FBN1: variants seen among roughly 807,000 people sequenced by gnomAD.
The protein encoded by FBN1 is fibrillin-1.
Under a neutral mutation model 365.1 loss-of-function variants are expected in FBN1, and 29 were observed. The observed-to-expected ratio is 0.08, with a 90% confidence interval of 0.06 to 0.11. FBN1 has a LOEUF of 0.11. Ranked by LOEUF, FBN1 falls within the 10% of genes least tolerant of loss-of-function variation. The pLI is 1.00. For missense variants in FBN1, 2,476 were observed against 3,703.2 expected (o/e 0.67, Z 8.60); for synonymous variants, 1,210 against 1,270.5 (o/e 0.95, Z 1.01).
chr15:48,629,908 G>A (rs1294684817), intron 2 of FBN1, among the ~76,000 whole-genome samples: 1 of 152,066 alleles, frequency 6.6e-6, no homozygotes, highest in African/African-American at 2.4e-5. Flanking sequence ...TATCTGTTAC[G>A]CAGCTCAACA....
intron 20 of FBN1, 27 bp from the exon 21 acceptor site, chr15:48,495,615 T>C: frequency 6.2e-7 from 1 of 1,613,972 alleles, no homozygotes; most frequent in Non-Finnish European, 8.5e-7. Flanking sequence ...TCTACATTAC[T>C]GCTAAAATCT....
At chr15:48,530,408 G>A (rs1456522516) in intron 8 of FBN1, among the ~76,000 whole-genome samples, 1 of 152,154 alleles carries the variant, frequency 6.6e-6, no homozygotes, top group African/African-American at 2.4e-5. Flanking sequence ...ATAGCATCTT[G>A]TTCAACCCCC....
At chr15:48,539,406 C>T (rs1275266628) in intron 6 of FBN1, among the ~76,000 whole-genome samples, 1 of 152,086 alleles carries the variant, frequency 6.6e-6, no homozygotes, top group Non-Finnish European at 1.5e-5. Context: ...GTCCAAATGC[C>T]GAGTCCCCAG....
chr15:48,515,610 T>A (rs975464550), intron 11 of FBN1, 83 bp from the exon 12 acceptor site: 9 of 1,559,138 alleles, frequency 5.8e-6, no homozygotes, highest in African/African-American at 1.4e-5. Flanking sequence ...ATGAACAAGA[T>A]GTTGAATCAG....
chr15:48,439,386 C>T (rs926322697), intron 50 of FBN1, among the ~76,000 whole-genome samples: 1 of 152,194 alleles, frequency 6.6e-6, no homozygotes, highest in African/African-American at 2.4e-5. Flanking sequence ...GTCAATCCTG[C>T]GGCATCTCTG....
chr15:48,463,805 G>A, intron 41 of FBN1, 94 bp downstream of exon 41: 2 of 1,339,044 alleles, frequency 1.5e-6, no homozygotes, highest in Non-Finnish European at 2.1e-6. Flanking sequence ...TCAGTCTGAT[G>A]AGTAACATCA....
At chr15:48,508,756 A>C (rs1379704077) in intron 14 of FBN1, 52 bp from the exon 15 acceptor site, 1 of 1,603,222 alleles carries the variant, frequency 6.2e-7, no homozygotes, top group South Asian at 1.1e-5. Context: ...AAGCTTACGA[A>C]GGAAACCAAT....
rs61243818 is a variant in FBN1, at chr15:48,493,456, G to A, written c.2728+748C>T. On this transcript the variant is annotated intron_variant, in intron 23 of 65. Coordinates refer to ENST00000316623, the MANE Select transcript of FBN1 (RefSeq NM_000138.5). The stretch of plus-strand genomic sequence containing the variant: ...TAAGAGAGATCAATGGGGAGAGGGT[G>A]GAATCTACCTTTTTGGGTTTTTTGT... Among the ~76,000 whole-genome samples, 2,344 of 152,248 alleles carry A rather than the reference G, an allele frequency of 0.015. 209 individuals carry two copies. In the East Asian group the frequency reaches 0.24, roughly 16 times the overall value.
At chr15:48,562,760 G>T (rs1179456087) in intron 6 of FBN1, among the ~76,000 whole-genome samples, 1 of 152,126 alleles carries the variant, frequency 6.6e-6, no homozygotes, top group Non-Finnish European at 1.5e-5. Context: ...TACAGCTGGG[G>T]TCTTCCAGTC....
intron 64 of FBN1, among the ~76,000 whole-genome samples, chr15:48,414,385 T>A (rs2042886083): frequency 6.6e-6 from 1 of 152,146 alleles, no homozygotes; most frequent in African/African-American, 2.4e-5. Context: ...TAAGTGTGGA[T>A]GTGTGTGGGG....
intron 30 of FBN1, 143 bp downstream of exon 30, chr15:48,485,231 A>G: frequency 2.0e-6 from 2 of 1,012,556 alleles, no homozygotes; most frequent in Non-Finnish European, 3.0e-6. Flanking sequence ...TTCTAATAAT[A>G]GGTATCTTGA....
In FBN1 at chr15:48,516,282, G is replaced by A. The variant is rs750279344; in HGVS notation, c.1228C>T (p.Pro410Ser). Residue 410 changes from proline to serine, a missense_variant, in exon 11 of 66, where the codon CCT becomes TCT. Around this residue, in one of 5 missense-constraint regions of FBN1, gnomAD observed 421 missense variants for 520.1 expected, o/e 0.81. Coordinates refer to ENST00000316623, the MANE Select transcript of FBN1 (RefSeq NM_000138.5). ...CCAGGAGGAACAGGGAGAACTGGAG[G>A]AATGGGGCCAAGGGGTGGGGGAGGA... ...EYPPPPLGPI[P>S]PVLPVPPGFP... 3.8e-6 allele frequency: 6 copies of A among 1,598,858 alleles called. No homozygotes were observed. In the African/African-American group the frequency reaches 5.4e-5, roughly 14 times the overall value.
intron 44 of FBN1, among the ~76,000 whole-genome samples, chr15:48,455,173 T>C (rs1055018172): frequency 4.6e-5 from 7 of 152,236 alleles, no homozygotes; most frequent in African/African-American, 1.7e-4. Context: ...ACATTCACCC[T>C]GAAGACGGAT....
chr15:48,409,944 G>A lies in FBN1; in HGVS notation c.*1046C>T, dbSNP rs1042308621. On this transcript the variant is annotated 3_prime_UTR_variant, in exon 66 of 66. Coordinates refer to ENST00000316623, the MANE Select transcript of FBN1 (RefSeq NM_000138.5). ...TCATATGTTAAATTTTCTTCTAGTG[G>A]TTATACATTTGGTACTTTCATAAGC... 3 of 152,352 alleles carry A rather than the reference G, an allele frequency of 2.0e-5. No individual in the cohort carries two copies. Among genetic ancestry groups the A allele is most frequent in the Non-Finnish European group, 2.9e-5 (2 of 68,030 alleles). The allele number at this position is 152,352 out of a possible 1,614,324, so 9.4% of individuals were successfully genotyped here.
chr15:48,515,730 C>A (rs917493113), intron 11 of FBN1, among the ~76,000 whole-genome samples: 2 of 152,140 alleles, frequency 1.3e-5, no homozygotes, highest in Non-Finnish European at 2.9e-5. Context: ...AGCTCACAAC[C>A]CAGCTGCAGC....
intron 32 of FBN1, among the ~76,000 whole-genome samples, chr15:48,480,558 T>C (rs1367956626): frequency 1.3e-5 from 2 of 152,184 alleles, no homozygotes; most frequent in African/African-American, 2.4e-5. Context: ...CTAGCATCTG[T>C]TATTTTTGAA....
chr15:48,546,329 T>C (rs991643979), intron 6 of FBN1, among the ~76,000 whole-genome samples: 4 of 152,182 alleles, frequency 2.6e-5, no homozygotes, highest in Admixed American at 1.3e-4. Flanking sequence ...TAGAGAATAA[T>C]TGGGTACACC....
At chr15:48,421,926 G>T in intron 61 of FBN1, 26 bp downstream of exon 61, 1 of 1,493,288 alleles carries the variant, frequency 6.7e-7, no homozygotes, top group Non-Finnish European at 9.3e-7. Flanking sequence ...TACAATCCAT[G>T]TAGGATTTTT....
At chr15:48,468,627 C>G in intron 36 of FBN1, 93 bp from the exon 37 acceptor site, 1 of 1,400,542 alleles carries the variant, frequency 7.1e-7, no homozygotes, top group African/African-American at 1.4e-5. Flanking sequence ...GAGCTCCAAA[C>G]AAGAATTTTA....
Sources: allele counts gnomAD v4.1 joint callset (sites outside exome capture counted in the v4.1 genomes callset), GRCh38; gene constraint gnomAD v4.1.1; regional missense constraint gnomAD v4.1.1; transcripts MANE v1.5; gene names NCBI Gene and HGNC (gene_info 2026-07-23, HGNC 2026-07-21).